NPAS2: variants seen among roughly 807,000 people sequenced by gnomAD.
NPAS2 encodes the protein neuronal PAS domain-containing protein 2.
In NPAS2, 23 loss-of-function variants were observed where a neutral mutation model predicts 107.5. That is an observed-to-expected ratio of 0.21 (90% CI 0.15 to 0.30). The LOEUF (loss-of-function observed/expected upper bound fraction) is 0.30. Among genes scored for constraint, NPAS2 ranks in the 10% least tolerant of loss-of-function variants. The pLI, the probability that NPAS2 is intolerant of heterozygous loss-of-function variation, is 1.00. For missense variants in NPAS2, 756 were observed against 1,043.3 expected, an observed-to-expected ratio of 0.72 and a Z score of 3.79; for synonymous variants, 403 against 417.5, an observed-to-expected ratio of 0.97 and a Z score of 0.42.
intron 7 of NPAS2, among the ~76,000 whole-genome samples, chr2:100,950,678 A>G (rs1264392914): frequency 6.6e-6 from 1 of 152,216 alleles, no homozygotes; most frequent in Admixed American, 6.5e-5. Context: ...TTTCAGGTCC[A>G]GGGTGCAGGG....
intron 2 of NPAS2, among the ~76,000 whole-genome samples, chr2:100,922,668 CG>C (rs1683307145): frequency 6.6e-6 from 1 of 152,196 alleles, no homozygotes; most frequent in African/African-American, 2.4e-5. Flanking sequence ...GTGGTGGTCT[CG>C]GGGCCTGCCG....
chr2:100,843,907 A>G (rs1216627754), intron 1 of NPAS2, among the ~76,000 whole-genome samples: 3 of 152,168 alleles, frequency 2.0e-5, no homozygotes, highest in Non-Finnish European at 4.4e-5. Flanking sequence ...GCCATTCCAG[A>G]ACTAAGGAAT....
intron 1 of NPAS2, among the ~76,000 whole-genome samples, chr2:100,895,501 A>G (rs1443609316): frequency 1.3e-5 from 2 of 152,094 alleles, no homozygotes; most frequent in Admixed American, 1.3e-4. Context: ...TCTCCCTTTC[A>G]CAGATGTGGA....
At chr2:100,938,135 A>T (rs1684454223) in intron 5 of NPAS2, among the ~76,000 whole-genome samples, 1 of 152,134 alleles carries the variant, frequency 6.6e-6, no homozygotes, top group African/African-American at 2.4e-5. Flanking sequence ...CTGATGAGAG[A>T]GTCACAGCAC....
At chr2:100,849,358 G>A (rs1329238819) in intron 1 of NPAS2, among the ~76,000 whole-genome samples, 1 of 152,160 alleles carries the variant, frequency 6.6e-6, no homozygotes. Context: ...GAAAGGGGAG[G>A]ACAGTGGCAG....
At chr2:100,930,512 C>T (rs932774250) in intron 3 of NPAS2, among the ~76,000 whole-genome samples, 2 of 152,172 alleles carry the variant, frequency 1.3e-5, no homozygotes, top group African/African-American at 2.4e-5. Flanking sequence ...AAAAATGGCT[C>T]TCAGGTGGTT....
At chr2:100,966,391 T>C (rs1332312835) in intron 10 of NPAS2, among the ~76,000 whole-genome samples, 2 of 152,068 alleles carry the variant, frequency 1.3e-5, no homozygotes, top group Admixed American at 6.5e-5. Context: ...GGACTTACGA[T>C]GTGGGGGAGT....
chr2:100,935,092 G>A (rs1684216142), intron 4 of NPAS2: 1 of 985,272 alleles, frequency 1.0e-6, no homozygotes, highest in Admixed American at 6.2e-5. Context: ...TGACCTGGCT[G>A]AAAAAACAAA....
intron 4 of NPAS2, among the ~76,000 whole-genome samples, chr2:100,936,429 G>T: frequency 6.6e-6 from 1 of 152,258 alleles, no homozygotes; most frequent in South Asian, 2.1e-4. Context: ...CAAAGAAAAA[G>T]TCAGTGAACC....
chr2:100,818,893 C>T (rs954235262), upstream of NPAS2, among the ~76,000 whole-genome samples: 3 of 152,334 alleles, frequency 2.0e-5, no homozygotes, highest in African/African-American at 7.2e-5. Flanking sequence ...GCTGTGAACG[C>T]CGCCGCCCAG....
chr2:100,990,012 T>G, intron 17 of NPAS2: 1 of 511,724 alleles, frequency 2.0e-6, no homozygotes, highest in Non-Finnish European at 3.5e-6. Context: ...AAGCAGAAAG[T>G]AGTTCAGTTC....
chr2:100,839,095 A>G (rs1677240878), intron 1 of NPAS2, among the ~76,000 whole-genome samples: 1 of 151,862 alleles, frequency 6.6e-6, no homozygotes, highest in Non-Finnish European at 1.5e-5. Context: ...CCTACTCTAC[A>G]TGAAGATGAT....
intron 5 of NPAS2, among the ~76,000 whole-genome samples, chr2:100,947,061 C>G (rs1419156870): frequency 2.0e-5 from 3 of 152,064 alleles, no homozygotes; most frequent in Non-Finnish European, 4.4e-5. Flanking sequence ...AAGGCTGAGG[C>G]TGGAACATGA....
chr2:100,991,150 G>A (rs962295604), intron 19 of NPAS2, among the ~76,000 whole-genome samples: 2 of 152,170 alleles, frequency 1.3e-5, no homozygotes, highest in East Asian at 3.9e-4. Flanking sequence ...CCTTACACCT[G>A]TAAAGCCCTC....
intron 18 of NPAS2, 152 bp downstream of exon 18, chr2:100,990,598 G>C: frequency 9.8e-7 from 1 of 1,024,920 alleles, no homozygotes; most frequent in South Asian, 1.5e-5. Context: ...GACAGGGCTT[G>C]GGATCCTGAG....
chr2:100,831,665 T>C (rs747289200), intron 1 of NPAS2, among the ~76,000 whole-genome samples: 1 of 152,130 alleles, frequency 6.6e-6, no homozygotes, highest in African/African-American at 2.4e-5. Flanking sequence ...CTTCATAGCA[T>C]TGTGGGAGAG....
At chr2:100,949,332 C>T in intron 6 of NPAS2, 35 bp from the exon 7 acceptor site, 2 of 1,220,694 alleles carry the variant, frequency 1.6e-6, no homozygotes, top group Non-Finnish European at 2.4e-6. Context: ...ATGCTCACGA[C>T]CCCTTTCTCT....
intron 2 of NPAS2, among the ~76,000 whole-genome samples, chr2:100,917,492 C>A (rs1300573422): frequency 6.6e-6 from 1 of 152,116 alleles, no homozygotes; most frequent in Non-Finnish European, 1.5e-5. Context: ...CGTGCCATTG[C>A]ACTTCAGCCT....
At position 100,963,173 on chromosome 2, in the gene NPAS2, C is replaced by T. The variant is rs77838999; in HGVS notation, c.599-885C>T. Among the ~76,000 whole-genome samples, 866 of 152,346 alleles carry T rather than the reference C, an allele frequency of 5.7e-3. 14 individuals carry two copies. The East Asian group carries it at 0.067, about 12-fold the overall frequency. ...GGCCCAGACCCAACCCCTGTATCAG[C>T]CTGGGCTCCCAAGGGGGAGTTTCAG... On this transcript the variant is annotated intron_variant, in intron 7 of 20. Coordinates refer to ENST00000335681, the MANE Select transcript of NPAS2 (RefSeq NM_002518.4).
Sources: gnomAD v4.1 joint callset for allele counts (sites outside exome capture counted in the v4.1 genomes callset) on GRCh38, gnomAD v4.1.1 for gene constraint, MANE v1.5 for transcripts, NCBI Gene and HGNC (gene_info 2026-07-23, HGNC 2026-07-21) for gene names.